The following SCN2A variants were observed in gnomAD, a reference collection of about 807,000 sequenced individuals.
SCN2A encodes sodium voltage-gated channel alpha subunit 2, also known as sodium channel protein type 2 subunit alpha.
Under a neutral mutation model 188.7 loss-of-function variants are expected in SCN2A, and 20 were observed. The ratio of observed to expected loss-of-function variants is 0.11; its 90% CI spans 0.07 to 0.15. The LOEUF is 0.15. Among genes scored for constraint, SCN2A ranks in the 10% least tolerant of loss-of-function variants. The pLI is 1.00. For missense variants in SCN2A, 1,278 were observed against 2,445.0 expected (o/e 0.52, Z 10.07); for synonymous variants, 804 against 833.1 (o/e 0.97, Z 0.60).
At chr2:165,353,577 G>A (rs1700038422) in intron 16 of SCN2A, among the ~76,000 whole-genome samples, 1 of 152,132 alleles carries the variant, frequency 6.6e-6, no homozygotes, top group Admixed American at 6.5e-5. Flanking sequence ...GCTTGGTGCT[G>A]GCATCTGCTT....
In SCN2A at chr2:165,374,936, A is replaced by G. The variant is rs1060504830; in HGVS notation, c.4224A>G (p.Val1408=). The change falls in exon 22 of 27, where the codon GTA becomes GTG. Residue 1408 remains valine, a synonymous_variant. Coordinates refer to ENST00000375437, the MANE Select transcript of SCN2A (RefSeq NM_001040142.2). ...ATGTGAAAGTAAACTTTGATAACGT[A>G]GGACTTGGATATCTGTCTCTACTTC... ...WKNVKVNFDN[V]GLGYLSLLQV... The G allele has an allele frequency of 6.2e-7, 1 of 1,613,298 alleles. No individual in the cohort carries two copies. Among genetic ancestry groups the G allele is most frequent in the Non-Finnish European group, 8.5e-7 (1 of 1,179,480 alleles).
chr2:165,265,057 C>T (rs2106093639), intron 1 of SCN2A, among the ~76,000 whole-genome samples: 1 of 152,194 alleles, frequency 6.6e-6, no homozygotes, highest in East Asian at 1.9e-4. Flanking sequence ...ATGTCTTCCA[C>T]AATGATTGAA....
At chr2:165,317,958 A>G (rs2105265206) in intron 11 of SCN2A, among the ~76,000 whole-genome samples, 1 of 152,284 alleles carries the variant, frequency 6.6e-6, no homozygotes, top group South Asian at 2.1e-4. Context: ...AAAAGGAAGA[A>G]GAGAGGAGAG....
At chr2:165,303,279 T>TTTTTTTG (rs1696926755) in intron 3 of SCN2A, among the ~76,000 whole-genome samples, 1 of 140,758 alleles carries the variant, frequency 7.1e-6, no homozygotes, top group South Asian at 2.3e-4. Context: ...AGTTTTTTTT[T>TTTTTTTG]TTTTTTTTTT....
intron 8 of SCN2A, among the ~76,000 whole-genome samples, chr2:165,312,786 G>T (rs900077956): frequency 6.6e-6 from 1 of 152,196 alleles, no homozygotes; most frequent in South Asian, 2.1e-4. Context: ...TATTTAGCAA[G>T]ATTTTAGAGC....
At chr2:165,240,071 T>C (rs1018046657) in intron 1 of SCN2A, 2 of 152,178 alleles carry the variant, frequency 1.3e-5, no homozygotes, top group African/African-American at 4.8e-5. Flanking sequence ...ATATTCTGAG[T>C]CCAAAGGCCT....
Position 165,389,303 on chromosome 2 carries a change from A to G in SCN2A, c.5497A>G (p.Lys1833Glu). ...DALDPPLLIA[K>E]PNKVQLIAMD... is the part of the protein sequence containing the mutation. ...CCTGGATCCTCCTCTTCTCATAGCA[A>G]AACCCAACAAAGTCCAGCTCATTGC... The change falls in exon 27 of 27, where the codon AAA becomes GAA. Residue 1833 changes from lysine to glutamate, a missense_variant. By Grantham distance (56) the Lys-to-Glu change is moderately conservative (BLOSUM62 1). Transcript: ENST00000375437. This position sits in a 1 kb window ranked among gnomAD's most constrained non-coding sequence, Gnocchi z 4.2. 1 of 1,614,070 alleles carries G rather than the reference A, an allele frequency of 6.2e-7. No homozygotes were observed. The highest frequency in any genetic ancestry group is 8.5e-7 in the Non-Finnish European group (1 of 1,180,002).
intron 1 of SCN2A, among the ~76,000 whole-genome samples, chr2:165,253,421 A>G (rs1694182816): frequency 1.3e-5 from 2 of 152,176 alleles, no homozygotes. Flanking sequence ...TCAGCAAACC[A>G]TGGTCTTTTA....
intron 1 of SCN2A, among the ~76,000 whole-genome samples, chr2:165,278,148 A>T (rs1184789825): frequency 1.3e-5 from 2 of 152,226 alleles, no homozygotes; most frequent in Non-Finnish European, 2.9e-5. Context: ...TAGCTTAAAC[A>T]ATACCCCTGA....
intron 19 of SCN2A, 97 bp from the exon 20 acceptor site, chr2:165,370,029 G>A: frequency 1.9e-6 from 2 of 1,027,392 alleles, no homozygotes; most frequent in Non-Finnish European, 1.5e-6. Context: ...CCAGCCTTAG[G>A]CACCTGATAA....
In SCN2A at chr2:165,262,973, T is replaced by G. The variant is rs537266810; in HGVS notation, c.-52+23333T>G. Among the ~76,000 whole-genome samples the G allele has an allele frequency of 6.6e-5, 10 of 152,306 alleles. No homozygotes were observed. In the East Asian group the frequency reaches 1.7e-3, roughly 26 times the overall value. On this transcript the variant is annotated intron_variant, in intron 1 of 26. Coordinates refer to ENST00000375437, the MANE Select transcript of SCN2A (RefSeq NM_001040142.2). ...GGTGATATCTCATTGTGGTTTTGAT[T>G]TGCATTTCCCTGATAATTAGTGATG...
At chr2:165,296,885 A>C in intron 2 of SCN2A, 132 bp from the exon 3 acceptor site, 1 of 572,594 alleles carries the variant, frequency 1.7e-6, no homozygotes. Flanking sequence ...TCTTCATGTC[A>C]TATGATGGTA....
intron 1 of SCN2A, among the ~76,000 whole-genome samples, chr2:165,250,138 A>C (rs949074979): frequency 2.0e-5 from 3 of 152,020 alleles, no homozygotes; most frequent in Non-Finnish European, 2.9e-5. Flanking sequence ...GTACTATATA[A>C]GGACAGATAT....
intron 21 of SCN2A, among the ~76,000 whole-genome samples, chr2:165,374,189 C>A (rs1444963485): frequency 1.3e-5 from 2 of 151,810 alleles, no homozygotes; most frequent in Non-Finnish European, 2.9e-5. Context: ...TTTTACTTTA[C>A]CAATTAGAAA....
At chr2:165,366,047 A>C (rs1459889009) in intron 18 of SCN2A, among the ~76,000 whole-genome samples, 2 of 151,480 alleles carry the variant, frequency 1.3e-5, no homozygotes, top group Admixed American at 6.6e-5. Flanking sequence ...TACTTGTATC[A>C]TTGTTTCTCT....
chr2:165,328,617 C>T (rs769830196), intron 13 of SCN2A: 2 of 542,018 alleles, frequency 3.7e-6, no homozygotes, highest in South Asian at 8.0e-5. Context: ...CTTAAAAAAC[C>T]TCAAATATCC....
At chr2:165,288,981 C>T (rs1429271332) in intron 1 of SCN2A, among the ~76,000 whole-genome samples, 2 of 151,888 alleles carry the variant, frequency 1.3e-5, no homozygotes, top group African/African-American at 2.4e-5. Context: ...CTTAAAAGGC[C>T]ACTTCCAGAA....
chr2:165,291,403 CCTTCCTTCCT>C (rs1696122166), intron 1 of SCN2A, among the ~76,000 whole-genome samples: 1 of 126,184 alleles, frequency 7.9e-6, no homozygotes, highest in Non-Finnish European at 1.7e-5. Flanking sequence ...TTCCTTCCTT[CCTTCCTTCCT>C]TCCTCCCTGT....
chr2:165,296,980 C>A (rs746333875), intron 2 of SCN2A, 37 bp from the exon 3 acceptor site: 1 of 1,046,974 alleles, frequency 9.6e-7, no homozygotes, highest in Non-Finnish European at 1.5e-6. Flanking sequence ...AATATATATT[C>A]TAAGTTTTAT....
Sources: gnomAD v4.1 joint callset for allele counts (sites outside exome capture counted in the v4.1 genomes callset) on GRCh38, gnomAD v4.1.1 for gene constraint, Gnocchi (gnomAD v3.1) non-coding constraint, MANE v1.5 for transcripts, NCBI Gene and HGNC (gene_info 2026-07-23, HGNC 2026-07-21) for gene names.